The following NRXN3 variants were observed in gnomAD, a reference collection of about 807,000 sequenced individuals.
NRXN3 encodes neurexin III.
NRXN3 carries 32 observed loss-of-function variants against 137.6 expected under a neutral mutation model. The ratio of observed to expected loss-of-function variants is 0.23; its 90% CI spans 0.18 to 0.31. The LOEUF is 0.31. Ranked by LOEUF, NRXN3 falls within the 10% of genes least tolerant of loss-of-function variation. The pLI, the probability that NRXN3 is intolerant of heterozygous loss-of-function variation, is 1.00. For synonymous variants in NRXN3, 798 were observed against 784.5 expected (o/e 1.02, Z -0.29); for missense variants, 1,574 against 2,062.5 (o/e 0.76, Z 4.59).
chr14:78,627,678 TA>T (rs1047528242), intron 4 of NRXN3, among the ~76,000 whole-genome samples: 3 of 152,222 alleles, frequency 2.0e-5, no homozygotes, highest in African/African-American at 7.2e-5. Context: ...TGAACTTATA[TA>T]AAAATCAGAA....
rs58746209 is a variant in NRXN3 at position 79,331,840 on chromosome 14, C to CTGTGTGTGTGTG, written c.3263-135360_3263-135349dup. On this transcript the variant is annotated intron_variant, in intron 15 of 20. Transcript: ENST00000335750. Reference sequence around the variant, plus strand: ...TTTAAAGTTTTAATTAAGGCTTTTGCTGTGTGTGTGTGTGTGTGTGTGTGT... The same window carrying CTGTGTGTGTGTG: ...TTTAAAGTTTTAATTAAGGCTTTTGCTGTGTGTGTGTGTGTGTGTGTGTGTGTGTGTGTGTGT... Among the ~76,000 whole-genome samples the CTGTGTGTGTGTG allele has an allele frequency of 1.0e-3, 151 of 148,828 alleles. 2 individuals are homozygous for CTGTGTGTGTGTG. The South Asian group carries it at 0.016, about 16-fold the overall frequency.
intron 15 of NRXN3, among the ~76,000 whole-genome samples, chr14:79,234,581 C>T (rs2073043325): frequency 1.3e-5 from 2 of 151,254 alleles, no homozygotes; most frequent in South Asian, 4.2e-4. Flanking sequence ...AACAGGGTTT[C>T]ACCATGTTGG....
At chr14:79,460,212 G>T (rs1459926941) in intron 15 of NRXN3, among the ~76,000 whole-genome samples, 1 of 152,050 alleles carries the variant, frequency 6.6e-6, no homozygotes, top group Non-Finnish European at 1.5e-5. Context: ...CATCAGATTT[G>T]CAAATGGCAC....
At chr14:79,332,221 G>A (rs977568063) in intron 15 of NRXN3, among the ~76,000 whole-genome samples, 3 of 152,088 alleles carry the variant, frequency 2.0e-5, no homozygotes, top group South Asian at 2.1e-4. Context: ...AATGATTTTC[G>A]CACCAACCTT....
At chr14:78,661,890 G>GTTT (rs374887314) in intron 6 of NRXN3, among the ~76,000 whole-genome samples, 5 of 142,382 alleles carry the variant, frequency 3.5e-5, no homozygotes, top group East Asian at 2.0e-4. Context: ...TTCTGAGACA[G>GTTT]TTTTTTTTTT....
chr14:78,356,616 C>G (rs1424961162), intron 4 of NRXN3, among the ~76,000 whole-genome samples: 1 of 152,190 alleles, frequency 6.6e-6, no homozygotes, highest in Non-Finnish European at 1.5e-5. Flanking sequence ...TTCCAGGCAG[C>G]CGACTTTGAC....
intron 10 of NRXN3, among the ~76,000 whole-genome samples, chr14:78,895,294 A>G (rs1363489694): frequency 1.3e-5 from 2 of 151,956 alleles, no homozygotes; most frequent in Non-Finnish European, 2.9e-5. Flanking sequence ...CAGCGTCTAC[A>G]TAAGCACTTG....
chr14:78,876,337 C>A (rs190636186), intron 10 of NRXN3, among the ~76,000 whole-genome samples: 1 of 152,208 alleles, frequency 6.6e-6, no homozygotes, highest in Non-Finnish European at 1.5e-5. Flanking sequence ...GGAGGAAAAC[C>A]AGCCCTGAGG....
chr14:79,498,957 T>C (rs918085057), intron 16 of NRXN3, among the ~76,000 whole-genome samples: 4 of 152,160 alleles, frequency 2.6e-5, no homozygotes, highest in African/African-American at 9.7e-5. Context: ...GTTAACTTTT[T>C]TCTTTCTATA....
intron 15 of NRXN3, among the ~76,000 whole-genome samples, chr14:79,027,986 A>AT (rs1459256725): frequency 1.3e-5 from 2 of 152,086 alleles, no homozygotes; most frequent in African/African-American, 2.4e-5. Context: ...TACTAGATTT[A>AT]TTTTTTCTAA....
chr14:79,710,681 C>CTT (rs1289437130), intron 19 of NRXN3, among the ~76,000 whole-genome samples: 1 of 152,106 alleles, frequency 6.6e-6, no homozygotes, highest in East Asian at 1.9e-4. Flanking sequence ...TTTAGTTTGA[C>CTT]TTTGAATTTC....
chr14:78,278,932 T>C (rs1188930713), intron 3 of NRXN3, among the ~76,000 whole-genome samples: 1 of 152,218 alleles, frequency 6.6e-6, no homozygotes, highest in East Asian at 1.9e-4. Context: ...ATGAACATTT[T>C]TGGGAAAGTA....
intron 15 of NRXN3, among the ~76,000 whole-genome samples, chr14:79,358,601 AAG>A (rs1200906826): frequency 4.1e-5 from 4 of 96,780 alleles, no homozygotes; most frequent in African/African-American, 1.4e-4. Context: ...GAAAGAAAGA[AAG>A]AAAGAGAAAG....
intron 4 of NRXN3, among the ~76,000 whole-genome samples, chr14:78,524,627 C>T (rs1418928981): frequency 1.3e-5 from 2 of 152,144 alleles, no homozygotes; most frequent in Non-Finnish European, 2.9e-5. Flanking sequence ...CTTTGGGGAT[C>T]TCTTTATCTT....
intron 15 of NRXN3, among the ~76,000 whole-genome samples, chr14:79,225,522 G>A (rs780958860): frequency 6.6e-6 from 1 of 151,950 alleles, no homozygotes; most frequent in African/African-American, 2.4e-5. Context: ...AATAAATCAC[G>A]GCAACCTTTG....
chr14:79,387,990 T>C (rs1406323098), intron 15 of NRXN3, among the ~76,000 whole-genome samples: 2 of 146,752 alleles, frequency 1.4e-5, no homozygotes, highest in African/African-American at 5.0e-5. Flanking sequence ...CATTAGGAGA[T>C]ATAGCTAATG....
chr14:78,843,044 T>G (rs1006410623), intron 10 of NRXN3, among the ~76,000 whole-genome samples: 15 of 152,110 alleles, frequency 9.9e-5, no homozygotes, highest in Admixed American at 6.6e-4. Flanking sequence ...CCTCAGCTTA[T>G]GAAGATGATG....
intron 15 of NRXN3, among the ~76,000 whole-genome samples, chr14:79,410,519 A>G (rs776044612): frequency 6.6e-6 from 1 of 151,736 alleles, no homozygotes; most frequent in Non-Finnish European, 1.5e-5. Context: ...TTTTCCAGGA[A>G]TGGCCAAAAT....
chr14:78,235,027 T>TATATATATAG, intron 1 of NRXN3, among the ~76,000 whole-genome samples: 1 of 66,402 alleles, frequency 1.5e-5, no homozygotes, highest in Non-Finnish European at 3.1e-5. Flanking sequence ...TATATATGTG[T>TATATATATAG]ATATATATAT....
Sources: gnomAD v4.1 joint callset for allele counts (sites outside exome capture counted in the v4.1 genomes callset) on GRCh38, gnomAD v4.1.1 for gene constraint, MANE v1.5 for transcripts, NCBI Gene and HGNC (gene_info 2026-07-23, HGNC 2026-07-21) for gene names.